The following TRAF2 variants were observed in gnomAD, a reference collection of about 807,000 sequenced individuals.
The protein encoded by TRAF2 is TNF receptor-associated factor 2.
A neutral mutation model predicts 55.6 loss-of-function variants in TRAF2; 6 were observed. The ratio of observed to expected loss-of-function variants is 0.11; its 90% CI spans 0.06 to 0.21. The LOEUF (loss-of-function observed/expected upper bound fraction) is 0.21, where lower values mean the gene tolerates loss of function less well. TRAF2 is among the 10% of genes least tolerant of loss of function. The pLI is 1.00. For synonymous variants in TRAF2, 329 were observed against 276.3 expected (o/e 1.19, Z -1.89); for missense variants, 561 against 684.5 (o/e 0.82, Z 2.01).
At chr9:136,897,972 A>T (rs1278839578) in intron 1 of TRAF2, among the ~76,000 whole-genome samples, 1 of 124,476 alleles carries the variant, frequency 8.0e-6, no homozygotes, top group East Asian at 2.5e-4. Flanking sequence ...CTGGAGGGGA[A>T]TCCGTGGTAG....
At chr9:136,897,102 G>A (rs962055890) in intron 1 of TRAF2, among the ~76,000 whole-genome samples, 12 of 152,206 alleles carry the variant, frequency 7.9e-5, no homozygotes, top group Non-Finnish European at 1.8e-4. Flanking sequence ...GTTCAGAAGG[G>A]GAGAGAGAAA....
rs1173925199 is a variant in TRAF2, at chr9:136,886,543, TG to T, written c.-29+3del. ...TTCCGGGCGCGCTGCGACCGTTGGG[TG>T]AGGCGAGCGCGGGGTCGGGTGCGGG... On this transcript the variant is annotated splice_donor_region_variant and intron_variant, in intron 1 of 10. Coordinates refer to ENST00000247668, the MANE Select transcript of TRAF2 (RefSeq NM_021138.4). 11 of 981,830 alleles carry T rather than the reference TG, an allele frequency of 1.1e-5. No homozygotes were observed. The highest frequency in any genetic ancestry group is 1.3e-5 in the Non-Finnish European group (11 of 830,140). 60.8% of individuals were successfully genotyped at this position (981,830 alleles called of 1,614,324 possible).
At chr9:136,910,044 T>C (rs893601450) in intron 6 of TRAF2, 50 bp downstream of exon 6, 3 of 1,582,718 alleles carry the variant, frequency 1.9e-6, no homozygotes, top group South Asian at 1.1e-5. Flanking sequence ...GCCCATGTGT[T>C]GGACGTGAGG....
upstream of TRAF2, chr9:136,886,373 C>G: frequency 1.0e-6 from 1 of 984,614 alleles, no homozygotes; most frequent in Non-Finnish European, 1.2e-6. Flanking sequence ...CAGGCGCGCT[C>G]GGAGCGGGGC....
chr9:136,919,662 CT>C (rs1487103329), intron 7 of TRAF2, among the ~76,000 whole-genome samples: 5 of 151,708 alleles, frequency 3.3e-5, no homozygotes, highest in Non-Finnish European at 7.4e-5. Flanking sequence ...GTCCCTCCCC[CT>C]CCTTCTTTCC....
intron 10 of TRAF2, among the ~76,000 whole-genome samples, chr9:136,924,967 G>T (rs745712175): frequency 6.6e-4 from 100 of 152,206 alleles, no homozygotes; most frequent in Non-Finnish European, 1.3e-3. Flanking sequence ...TTGATCTCCT[G>T]ACCTTGTGAT....
At chr9:136,891,964 C>T (rs905694227) in intron 1 of TRAF2, among the ~76,000 whole-genome samples, 5 of 149,368 alleles carry the variant, frequency 3.3e-5, no homozygotes, top group East Asian at 4.1e-4. Context: ...GTGATCCACC[C>T]GCCTCAGCCT....
upstream of TRAF2, among the ~76,000 whole-genome samples, chr9:136,885,633 T>A (rs975472971): frequency 4.6e-5 from 7 of 152,126 alleles, no homozygotes; most frequent in African/African-American, 1.7e-4. Flanking sequence ...CCGGGCGTGA[T>A]GGCGGGCGCC....
At chr9:136,886,983 C>G (rs1849467346) in intron 1 of TRAF2, among the ~76,000 whole-genome samples, 1 of 152,200 alleles carries the variant, frequency 6.6e-6, no homozygotes, top group African/African-American at 2.4e-5. Flanking sequence ...CGGCTGCGTG[C>G]TCGGGAGGGT....
At chr9:136,882,727 C>G (rs188291071), upstream of TRAF2, 802 of 985,580 alleles carry the variant, frequency 8.1e-4, 2 homozygotes, top group Admixed American at 1.4e-3. Context: ...CACCCCTTTC[C>G]AGCCAGCAAA....
chr9:136,905,972 G>A lies in TRAF2; in HGVS notation c.367-2098G>A, dbSNP rs569468644. On this transcript the variant is annotated intron_variant, in intron 4 of 10. Transcript: ENST00000247668. ...ACAAAAAAATTAGCCGGGTGTGGTG[G>A]CGGGCGCCCGTAGTCCCAGCTACTC... 5.3e-5 allele frequency among the ~76,000 whole-genome samples: 8 copies of A among 152,328 alleles called. No individual in the cohort carries two copies. The East Asian group carries it at 1.5e-3, about 29-fold the overall frequency.
intron 4 of TRAF2, among the ~76,000 whole-genome samples, 169 bp from the exon 5 acceptor site, chr9:136,907,901 C>G (rs1849993623): frequency 1.3e-5 from 2 of 151,904 alleles, no homozygotes; most frequent in African/African-American, 4.8e-5. Flanking sequence ...CTGATCTCCT[C>G]CTGCCCTCCC....
chr9:136,887,054 A>G (rs916989275), intron 1 of TRAF2, among the ~76,000 whole-genome samples: 1 of 152,054 alleles, frequency 6.6e-6, no homozygotes, highest in Non-Finnish European at 1.5e-5. Flanking sequence ...GGGGAAGACC[A>G]GTGAGGCTGG....
At chr9:136,903,058 C>T (rs978066913) in intron 4 of TRAF2, among the ~76,000 whole-genome samples, 1 of 152,092 alleles carries the variant, frequency 6.6e-6, no homozygotes, top group South Asian at 2.1e-4. Context: ...CCTCCACCTC[C>T]CAGGTTCAAG....
intron 10 of TRAF2, among the ~76,000 whole-genome samples, chr9:136,924,434 C>T (rs936453021): frequency 2.0e-5 from 3 of 151,822 alleles, no homozygotes; most frequent in Non-Finnish European, 4.4e-5. Context: ...TGGTGGTGTG[C>T]ACCTGTATTC....
intron 7 of TRAF2, among the ~76,000 whole-genome samples, chr9:136,918,563 T>C (rs941849886): frequency 6.6e-6 from 1 of 152,104 alleles, no homozygotes; most frequent in African/African-American, 2.4e-5. Flanking sequence ...GTGCTGGGAT[T>C]ACAGGCATGA....
chr9:136,902,312 GT>G (rs1247126535), intron 4 of TRAF2: 2 of 152,510 alleles, frequency 1.3e-5, no homozygotes, highest in African/African-American at 4.8e-5. Context: ...CCCTGGGAGG[GT>G]TGGGGTACCA....
intron 1 of TRAF2, chr9:136,898,492 C>T (rs1363833321): frequency 2.5e-6 from 2 of 796,648 alleles, no homozygotes; most frequent in Middle Eastern, 6.4e-4. Context: ...GTGTGGTCCC[C>T]AGCCTCACTG....
upstream of TRAF2, among the ~76,000 whole-genome samples, chr9:136,883,200 T>C (rs1849394499): frequency 6.6e-6 from 1 of 152,016 alleles, no homozygotes; most frequent in Non-Finnish European, 1.5e-5. Context: ...GTGCCAATCT[T>C]CTGGAAACAG....
Sources: allele counts gnomAD v4.1 joint callset (sites outside exome capture counted in the v4.1 genomes callset), GRCh38; gene constraint gnomAD v4.1.1; transcripts MANE v1.5; gene names NCBI Gene and HGNC (gene_info 2026-07-23, HGNC 2026-07-21).